Variants in SMARCA2 observed in about 807,000 individuals in gnomAD.
SMARCA2 encodes SWI/SNF related BAF chromatin remodeling complex subunit ATPase 2.
In SMARCA2, 61 loss-of-function variants were observed where a neutral mutation model predicts 199.8. The observed-to-expected ratio is 0.31, with a 90% CI of 0.25 to 0.38. The LOEUF is 0.38. SMARCA2 is among the 10% of genes least tolerant of loss of function. SMARCA2 has a pLI of 1.00. For synonymous variants in SMARCA2, 935 were observed against 732.0 expected, an observed-to-expected ratio of 1.28 and a Z score of -4.48; for missense variants, 1,344 against 2,012.2, an observed-to-expected ratio of 0.67 and a Z score of 6.35.
intron 32 of SMARCA2, among the ~76,000 whole-genome samples, chr9:2,189,237 ATATGGTTG>A (rs376597622): frequency 1.1e-3 from 164 of 152,288 alleles, no homozygotes; most frequent in African/African-American, 3.8e-3. Flanking sequence ...TCATAGGTGC[ATATGGTTG>A]TATCATAAAA....
intron 27 of SMARCA2, among the ~76,000 whole-genome samples, chr9:2,132,707 A>G (rs1824017107): frequency 6.6e-6 from 1 of 152,230 alleles, no homozygotes; most frequent in Non-Finnish European, 1.5e-5. Flanking sequence ...GGCCCTAGAA[A>G]ATAGATTTGG....
chr9:2,084,222 C>T (rs200517587), intron 17 of SMARCA2, 26 bp downstream of exon 17: 1 of 1,253,272 alleles, frequency 8.0e-7, no homozygotes, highest in African/African-American at 1.5e-5. Flanking sequence ...ATTATTTTCT[C>T]TCTAATTAGG....
Position 2,054,682 on chromosome 9 carries a change from G to A in SMARCA2, c.1132G>A (p.Val378Met). Residue 378 changes from valine (V) to methionine (M), a missense_variant, in exon 6 of 34, where the codon GTG (valine) becomes ATG (methionine). Physicochemically the swap from Val to Met is conservative, Grantham distance 21 (BLOSUM62 1). Around this residue, in one of 18 missense-constraint regions of SMARCA2, gnomAD observed 155 missense variants for 260.0 expected, o/e 0.60. Coordinates refer to ENST00000349721, the MANE Select transcript of SMARCA2 (RefSeq NM_003070.5). Reference sequence around the variant, plus strand: ...ACCAGATTTAAGAACCAAAGCAACCGTGGAACTAAAAGCACTTCGGTTACT... The same window carrying A: ...ACCAGATTTAAGAACCAAAGCAACCATGGAACTAAAAGCACTTCGGTTACT... ...LPPDLRTKAT[V>M]ELKALRLLNF... is the part of the protein sequence containing the mutation. 3.1e-6 allele frequency: 5 copies of A among 1,614,056 alleles called. No individual in the cohort carries two copies. The highest frequency in any genetic ancestry group is 2.2e-5 in the East Asian group (1 of 44,866).
chr9:2,168,840 A>G (rs1826076961), intron 28 of SMARCA2, among the ~76,000 whole-genome samples: 1 of 151,898 alleles, frequency 6.6e-6, no homozygotes, highest in Non-Finnish European at 1.5e-5. Flanking sequence ...TTCTGCTGGG[A>G]TCTTTGGTTG....
At chr9:2,160,935 C>G (rs1396709541) in intron 27 of SMARCA2, 1 of 267,880 alleles carries the variant, frequency 3.7e-6, no homozygotes, top group Non-Finnish European at 7.0e-6. Flanking sequence ...TCTTTTAGCC[C>G]TTTATGAACA....
intron 4 of SMARCA2, chr9:2,043,680 C>A (rs1023256544): frequency 4.6e-5 from 7 of 152,062 alleles, no homozygotes; most frequent in African/African-American, 1.7e-4. Flanking sequence ...TCCTGTATGC[C>A]GGAAGACTAA....
chr9:2,034,317 A>G (rs1563720517), intron 3 of SMARCA2, among the ~76,000 whole-genome samples: 1 of 152,062 alleles, frequency 6.6e-6, no homozygotes, highest in Non-Finnish European at 1.5e-5. Flanking sequence ...GGACTTCAAC[A>G]TATTTGGAGG....
chr9:2,145,541 C>T (rs538698604), intron 27 of SMARCA2, among the ~76,000 whole-genome samples: 5 of 152,162 alleles, frequency 3.3e-5, no homozygotes, highest in African/African-American at 1.2e-4. Flanking sequence ...ACCCTAGACA[C>T]CTGACAGTAA....
In SMARCA2 at chr9:2,016,912, G is replaced by T. The variant is rs118184120; in HGVS notation, c.-37+1508G>T. Among the ~76,000 whole-genome samples the T allele has an allele frequency of 0.013, 1,955 of 152,228 alleles. 23 individuals carry two copies. Among genetic ancestry groups the T allele is most frequent in the Non-Finnish European group, 0.021 (1,453 of 67,978 alleles). On this transcript the variant is annotated intron_variant, in intron 1 of 33. Coordinates refer to ENST00000349721, the MANE Select transcript of SMARCA2 (RefSeq NM_003070.5). This position sits in a 1 kb window ranked among gnomAD's most constrained non-coding sequence, Gnocchi z 5.6. Reference sequence around the variant, plus strand: ...TCGCGATGCACTTCCCTAAATAACCGGTCCGGCGCGCCAGCCCCTCGGCGC... The same window carrying T: ...TCGCGATGCACTTCCCTAAATAACCTGTCCGGCGCGCCAGCCCCTCGGCGC...
chr9:2,171,088 G>T (rs1306064418), intron 29 of SMARCA2, among the ~76,000 whole-genome samples: 2 of 152,126 alleles, frequency 1.3e-5, no homozygotes, highest in South Asian at 2.1e-4. Flanking sequence ...TGCTTCTGTT[G>T]GGTAGAAAGC....
chr9:2,155,326 A>G (rs1009870569), intron 27 of SMARCA2, among the ~76,000 whole-genome samples: 3 of 151,900 alleles, frequency 2.0e-5, no homozygotes, highest in African/African-American at 7.3e-5. Flanking sequence ...TCTGTTGCCC[A>G]GGCTGGAGTG....
intron 29 of SMARCA2, among the ~76,000 whole-genome samples, chr9:2,174,554 T>G (rs1185334300): frequency 6.6e-6 from 1 of 152,188 alleles, no homozygotes; most frequent in Non-Finnish European, 1.5e-5. Context: ...TGATTTTGTC[T>G]GCAGAAGCTT....
At position 2,041,966 on chromosome 9, in the gene SMARCA2, C is replaced by T. The variant is rs1485644353; in HGVS notation, c.790+2066C>T. 2 of 152,138 alleles carry T rather than the reference C, an allele frequency of 1.3e-5. 1 individual carries two copies. The highest frequency in any genetic ancestry group is 2.9e-5 in the Non-Finnish European group (2 of 68,026). The allele number at this position is 152,138 out of a possible 1,614,324, so 9.4% of individuals were successfully genotyped here. ...CAACTAATGATGGAGAGTCGGGATT[C>T]AGACCCCAGGAATTTGACTTAAGAT... On this transcript the variant is annotated intron_variant, in intron 4 of 33. Coordinates refer to ENST00000349721, the MANE Select transcript of SMARCA2 (RefSeq NM_003070.5).
chr9:2,118,033 A>G (rs539378042), intron 25 of SMARCA2, among the ~76,000 whole-genome samples: 278 of 152,366 alleles, frequency 1.8e-3, no homozygotes, highest in African/African-American at 6.5e-3. Flanking sequence ...TTGGTTTTCC[A>G]TGAAGGTCAT....
At position 2,077,768 on chromosome 9, in the gene SMARCA2, C is replaced by A; in HGVS notation, c.2176C>A (p.His726Asn). 1 of 1,609,302 alleles carries A rather than the reference C, an allele frequency of 6.2e-7. No homozygotes were observed. Among genetic ancestry groups the A allele is most frequent in the South Asian group, 1.1e-5 (1 of 90,312 alleles). The change falls in exon 14 of 34, where the codon CAT becomes AAT. Residue 726 changes from histidine to asparagine, a missense_variant. Physicochemically the swap from His to Asn is moderately conservative, Grantham distance 68. Coordinates refer to ENST00000349721, the MANE Select transcript of SMARCA2 (RefSeq NM_003070.5). ...SALLINGTLK[H>N]YQLQGLEWMV... ...CCTCCTAATTAATGGGACCCTAAAG[C>A]ATTACCAGGTAATTGGCATGGTTTC...
At chr9:2,163,265 C>G (rs563682633) in intron 28 of SMARCA2, among the ~76,000 whole-genome samples, 1 of 152,146 alleles carries the variant, frequency 6.6e-6, no homozygotes, top group Non-Finnish European at 1.5e-5. Flanking sequence ...AGATTTTGTG[C>G]TGTTTTCCTT....
chr9:2,040,042 CT>C, intron 4 of SMARCA2, 142 bp downstream of exon 4: 1 of 1,429,938 alleles, frequency 7.0e-7, no homozygotes, highest in Non-Finnish European at 9.3e-7. Flanking sequence ...CCTTGCTCCA[CT>C]TAGATGGCCA....
In SMARCA2 at chr9:2,081,952, C is replaced by A. The variant is rs1390858513; in HGVS notation, c.2305C>A (p.His769Asn). The change falls in exon 15 of 34, where the codon CAC becomes AAC. Residue 769 changes from histidine to asparagine, a missense_variant. By Grantham distance (68) the His-to-Asn change is moderately conservative. Transcript: ENST00000349721. ...TIALITYLME[H>N]KRLNGPYLII... Reference sequence around the variant, plus strand: ...TGCACTCATCACTTATCTGATGGAGCACAAAAGACTCAATGGCCCCTATCT... The same window carrying A: ...TGCACTCATCACTTATCTGATGGAGAACAAAAGACTCAATGGCCCCTATCT... The A allele has an allele frequency of 1.2e-6, 2 of 1,613,688 alleles. No individual in the cohort carries two copies.
chr9:2,156,422 T>A (rs1448761819), intron 27 of SMARCA2, among the ~76,000 whole-genome samples: 1 of 27,294 alleles, frequency 3.7e-5, no homozygotes, highest in Non-Finnish European at 1.3e-4. Flanking sequence ...GACTTTTTTT[T>A]TTTTTTTTTT....
Sources: gnomAD v4.1 joint callset for allele counts (sites outside exome capture counted in the v4.1 genomes callset) on GRCh38, gnomAD v4.1.1 for gene constraint, gnomAD v4.1.1 regional missense constraint, Gnocchi (gnomAD v3.1) non-coding constraint, MANE v1.5 for transcripts, NCBI Gene and HGNC (gene_info 2026-07-23, HGNC 2026-07-21) for gene names.